The following SUGCT variants were observed in gnomAD, a reference collection of about 807,000 sequenced individuals.
SUGCT encodes the protein succinyl-CoA:glutarate CoA-transferase.
In SUGCT, 41 loss-of-function variants were observed where a neutral mutation model predicts 55.0. The ratio of observed to expected loss-of-function variants is 0.74; its 90% CI spans 0.58 to 0.97. The LOEUF (loss-of-function observed/expected upper bound fraction) is 0.97, where lower values mean the gene tolerates loss of function less well. SUGCT is among the 50% of genes least tolerant of loss of function. The pLI, the probability that SUGCT is intolerant of heterozygous loss-of-function variation, is 0.00. For synonymous variants in SUGCT, 187 were observed against 200.4 expected, an observed-to-expected ratio of 0.93 and a Z score of 0.56; for missense variants, 568 against 547.8, an observed-to-expected ratio of 1.04 and a Z score of -0.37.
At chr7:40,758,295 G>T (rs1018895071) in intron 13 of SUGCT, among the ~76,000 whole-genome samples, 2 of 151,794 alleles carry the variant, frequency 1.3e-5, no homozygotes, top group Non-Finnish European at 2.9e-5. Context: ...TTTTTTTAAT[G>T]ATCAGTCTTT....
At chr7:40,358,130 T>C (rs1304906786) in intron 9 of SUGCT, among the ~76,000 whole-genome samples, 1 of 152,190 alleles carries the variant, frequency 6.6e-6, no homozygotes, top group Non-Finnish European at 1.5e-5. Context: ...GTTCCATGAA[T>C]GAAATGAATG....
chr7:40,938,147 G>T, the SUGCT span, among the ~76,000 whole-genome samples: 1 of 152,158 alleles, frequency 6.6e-6, no homozygotes. Flanking sequence ...CCTGGGGATG[G>T]GGACTCCTGT....
At chr7:40,565,964 A>G (rs1356666543) in intron 12 of SUGCT, among the ~76,000 whole-genome samples, 1 of 144,080 alleles carries the variant, frequency 6.9e-6, no homozygotes, top group Non-Finnish European at 1.5e-5. Flanking sequence ...AACACCTGGC[A>G]TATCACACAC....
chr7:40,448,924 A>ATG (rs778913706), intron 9 of SUGCT, among the ~76,000 whole-genome samples: 1,777 of 145,124 alleles, frequency 0.012, 16 homozygotes, highest in East Asian at 0.042. Context: ...GTGTGTATAT[A>ATG]TGTGTGTGTG....
intron 8 of SUGCT, among the ~76,000 whole-genome samples, chr7:40,302,218 A>G (rs916136994): frequency 6.6e-6 from 1 of 152,030 alleles, no homozygotes; most frequent in Non-Finnish European, 1.5e-5. Context: ...TCTTCCTTCT[A>G]ACACTCTCCT....
chr7:40,266,858 T>TA (rs1261424368), intron 7 of SUGCT, among the ~76,000 whole-genome samples: 3 of 151,512 alleles, frequency 2.0e-5, no homozygotes, highest in Non-Finnish European at 2.9e-5. Context: ...CTACTAAAAA[T>TA]AAAAAAATTA....
At chr7:40,962,399 C>T in the SUGCT span, among the ~76,000 whole-genome samples, 1 of 152,214 alleles carries the variant, frequency 6.6e-6, no homozygotes, top group East Asian at 1.9e-4. Context: ...CCCAGAAACC[C>T]AGCTGGCTTC....
chr7:40,676,492 G>GT (rs1562940278), intron 12 of SUGCT, among the ~76,000 whole-genome samples: 10 of 142,736 alleles, frequency 7.0e-5, no homozygotes, highest in African/African-American at 2.0e-4. Context: ...ATCCCTTGCG[G>GT]TTTTGTTTTT....
the SUGCT span, among the ~76,000 whole-genome samples, chr7:40,925,870 G>C: frequency 1.3e-5 from 2 of 152,126 alleles, no homozygotes; most frequent in South Asian, 4.1e-4. Flanking sequence ...GAGATGGGGG[G>C]ACTGCTTGAG....
intron 6 of SUGCT, among the ~76,000 whole-genome samples, chr7:40,210,211 A>T (rs947995660): frequency 9.7e-4 from 147 of 151,116 alleles, no homozygotes; most frequent in African/African-American, 3.5e-3. Flanking sequence ...ACGCCCAGCT[A>T]TTTTTTTTGT....
intron 13 of SUGCT, among the ~76,000 whole-genome samples, chr7:40,853,727 C>T (rs577076682): frequency 6.6e-6 from 1 of 152,198 alleles, no homozygotes; most frequent in Admixed American, 6.5e-5. Flanking sequence ...ATTAATTAAC[C>T]CTTTAAAGAG....
intron 12 of SUGCT, among the ~76,000 whole-genome samples, chr7:40,658,151 C>T (rs1284877400): frequency 1.3e-5 from 2 of 152,126 alleles, no homozygotes; most frequent in East Asian, 1.9e-4. Flanking sequence ...CCATTTTTGT[C>T]CATGAATTCT....
At chr7:40,474,568 A>G (rs1790559067) in intron 11 of SUGCT, among the ~76,000 whole-genome samples, 1 of 152,182 alleles carries the variant, frequency 6.6e-6, no homozygotes, top group African/African-American at 2.4e-5. Flanking sequence ...GCGTTTGGAA[A>G]GGAAAGCTGT....
intron 12 of SUGCT, among the ~76,000 whole-genome samples, chr7:40,556,402 AC>A (rs1458474899): frequency 6.6e-6 from 1 of 152,212 alleles, no homozygotes; most frequent in Non-Finnish European, 1.5e-5. Flanking sequence ...GGCCCTTCAA[AC>A]CCTTGTTTGG....
chr7:40,303,028 A>AT lies in SUGCT; in HGVS notation c.721-13724dup, dbSNP rs372801168. Among the ~76,000 whole-genome samples the AT allele has an allele frequency of 4.0e-3, 605 of 151,774 alleles. 1 individual carries two copies. Among genetic ancestry groups the AT allele is most frequent in the African/African-American group, 0.014 (576 of 41,386 alleles). On this transcript the variant is annotated intron_variant, in intron 8 of 13. Coordinates refer to ENST00000335693, the MANE Select transcript of SUGCT (RefSeq NM_001193313.2). The stretch of plus-strand genomic sequence containing the variant: ...AGCATATTTCTTCACCAAGAAAGCC[A>AT]TTTTTTTTCTTTTTCTTTTTTTTGA...
chr7:41,014,837 A>T, the SUGCT span, among the ~76,000 whole-genome samples: 2 of 152,214 alleles, frequency 1.3e-5, no homozygotes, highest in African/African-American at 4.8e-5. Flanking sequence ...TATGGCAAAC[A>T]TAATTCATGA....
At chr7:40,386,696 A>T (rs1181786034) in intron 9 of SUGCT, among the ~76,000 whole-genome samples, 1 of 152,138 alleles carries the variant, frequency 6.6e-6, no homozygotes, top group African/African-American at 2.4e-5. Context: ...CCCCCGGCAG[A>T]TCCCTTGGAC....
chr7:40,217,447 A>G (rs536108790), intron 6 of SUGCT: 3 of 446,872 alleles, frequency 6.7e-6, no homozygotes, highest in South Asian at 1.6e-5. Context: ...CCAAACCTCA[A>G]GCAATCTGCC....
chr7:40,719,752 G>A (rs138668881), intron 12 of SUGCT, among the ~76,000 whole-genome samples: 49 of 152,178 alleles, frequency 3.2e-4, no homozygotes, highest in African/African-American at 1.2e-3. Context: ...ACAGGAGTGC[G>A]GAGAGCTTAG....
Sources: allele counts gnomAD v4.1 joint callset (sites outside exome capture counted in the v4.1 genomes callset), GRCh38; gene constraint gnomAD v4.1.1; transcripts MANE v1.5; gene names NCBI Gene and HGNC (gene_info 2026-07-23, HGNC 2026-07-21).